The following ART3 variants were observed in gnomAD, a reference collection of about 807,000 sequenced individuals.
ART3 encodes the protein ecto-ADP-ribosyltransferase 3.
In ART3, 49 loss-of-function variants were observed where a neutral mutation model predicts 48.5. That is an observed-to-expected ratio of 1.01 (90% CI 0.80 to 1.28). ART3 has a LOEUF of 1.28. Among genes scored for constraint, ART3 ranks in the 50% most tolerant of loss-of-function variants. The pLI is 0.00. For synonymous variants in ART3, 145 were observed against 157.2 expected (o/e 0.92, Z 0.58); for missense variants, 438 against 454.3 (o/e 0.96, Z 0.33).
chr4:76,075,914 G>A lies in ART3; in HGVS notation c.25G>A (p.Val9Ile). 4 of 1,612,708 alleles carry A rather than the reference G, an allele frequency of 2.5e-6. No homozygotes were observed. The highest frequency in any genetic ancestry group is 3.4e-6 in the Non-Finnish European group (4 of 1,179,334). MKTGHFEI[V>I]TMLLATMILV... is the part of the protein sequence containing the mutation. ...AATGAAGACGGGACATTTTGAAATAGTCACCATGCTGCTGGCAACCATGAT... is the reference window on the plus strand; with the variant it reads ...AATGAAGACGGGACATTTTGAAATAATCACCATGCTGCTGGCAACCATGAT... The change falls in exon 2 of 12, where the codon GTC becomes ATC. Residue 9 changes from valine to isoleucine, a missense_variant. Coordinates refer to ENST00000355810, the MANE Select transcript of ART3 (RefSeq NM_001130016.3).
At chr4:76,063,688 G>T (rs937095037) in intron 1 of ART3, among the ~76,000 whole-genome samples, 1 of 152,074 alleles carries the variant, frequency 6.6e-6, no homozygotes, top group Non-Finnish European at 1.5e-5. Flanking sequence ...CAGAGACTCG[G>T]AGAACATAAA....
chr4:76,079,606 A>G (rs1721983023), intron 2 of ART3, among the ~76,000 whole-genome samples: 1 of 152,196 alleles, frequency 6.6e-6, no homozygotes, highest in Non-Finnish European at 1.5e-5. Flanking sequence ...GAACTCCAAC[A>G]TTTAATGGCT....
At chr4:76,089,561 C>T (rs949821996) in intron 3 of ART3, among the ~76,000 whole-genome samples, 11 of 152,260 alleles carry the variant, frequency 7.2e-5, no homozygotes, top group East Asian at 1.9e-4. Flanking sequence ...TCCCCTGCCA[C>T]GCTTCCTGTA....
chr4:76,028,380 G>A (rs906114384), intron 1 of ART3, among the ~76,000 whole-genome samples: 3 of 152,124 alleles, frequency 2.0e-5, no homozygotes, highest in Non-Finnish European at 2.9e-5. Flanking sequence ...GAAAGTTAAG[G>A]AAGTATCCCG....
chr4:76,087,848 A>G (rs1247323831), intron 3 of ART3, among the ~76,000 whole-genome samples: 2 of 152,222 alleles, frequency 1.3e-5, no homozygotes, highest in Non-Finnish European at 2.9e-5. Flanking sequence ...AGCCCAGGTT[A>G]ACTAACTTTT....
chr4:76,111,429 A>G (rs1729455161), intron 11 of ART3, among the ~76,000 whole-genome samples: 1 of 152,224 alleles, frequency 6.6e-6, no homozygotes, highest in African/African-American at 2.4e-5. Flanking sequence ...AATTCATCTT[A>G]TAAACAGATG....
intron 1 of ART3, among the ~76,000 whole-genome samples, chr4:76,017,441 G>A (rs961330755): frequency 2.0e-5 from 3 of 151,844 alleles, no homozygotes; most frequent in South Asian, 2.1e-4. Context: ...GGCTGAACTC[G>A]TATCCAAGTT....
intron 1 of ART3, among the ~76,000 whole-genome samples, chr4:76,018,632 A>C (rs1732481486): frequency 6.6e-6 from 1 of 152,254 alleles, no homozygotes; most frequent in African/African-American, 2.4e-5. Context: ...TTAAATACAA[A>C]GTAATATGCC....
intron 1 of ART3, among the ~76,000 whole-genome samples, chr4:76,059,794 A>G (rs1042336123): frequency 1.3e-5 from 2 of 151,950 alleles, no homozygotes; most frequent in African/African-American, 4.8e-5. Flanking sequence ...GGCAAACTTT[A>G]TAAACACAAG....
rs1206713213 is a variant in ART3 at position 76,024,528 on chromosome 4, A to G, written c.-10+13208A>G. ...AGCATTCAATAGTACTTGACTGATT[A>G]TTCATAGTAGCTAGCAGTAGAAAGC... On this transcript the variant is annotated intron_variant, in intron 1 of 9. Coordinates refer to the ART3 transcript ENST00000341029. Among the ~76,000 whole-genome samples, 3 of 152,230 alleles carry G rather than the reference A, an allele frequency of 2.0e-5. No homozygotes were observed. In the East Asian group the frequency reaches 5.8e-4, roughly 29 times the overall value.
At chr4:76,049,542 TAGAG>T (rs989510443) in intron 1 of ART3, among the ~76,000 whole-genome samples, 4 of 151,926 alleles carry the variant, frequency 2.6e-5, no homozygotes, top group Non-Finnish European at 5.9e-5. Flanking sequence ...CAGGGGTTGT[TAGAG>T]AGCCCTTTCC....
At chr4:76,049,514 G>A (rs1735828822) in intron 1 of ART3, among the ~76,000 whole-genome samples, 1 of 151,918 alleles carries the variant, frequency 6.6e-6, no homozygotes, top group African/African-American at 2.4e-5. Flanking sequence ...CAAACCAACG[G>A]TCCCAACTCC....
chr4:76,036,099 T>C, intron 1 of ART3: 1 of 914,214 alleles, frequency 1.1e-6, no homozygotes, highest in Non-Finnish European at 1.7e-6. Context: ...TTGGCATATA[T>C]AGAGCATTTT....
chr4:76,064,126 C>A (rs889088299), intron 1 of ART3, among the ~76,000 whole-genome samples: 1 of 152,066 alleles, frequency 6.6e-6, no homozygotes, highest in Non-Finnish European at 1.5e-5. Flanking sequence ...AGTTGTTGGC[C>A]TGGAGAGCAG....
intron 1 of ART3, chr4:76,023,456 G>A: frequency 6.2e-7 from 1 of 1,606,400 alleles, no homozygotes; most frequent in Non-Finnish European, 8.5e-7. Flanking sequence ...AGGTTCCTCT[G>A]CTGTAGGCTC....
intron 11 of ART3, among the ~76,000 whole-genome samples, chr4:76,109,668 G>A (rs1172296575): frequency 1.3e-5 from 2 of 152,062 alleles, no homozygotes; most frequent in African/African-American, 4.8e-5. Flanking sequence ...ATGTTACAAC[G>A]GCAACGATGT....
At chr4:76,090,965 T>C (rs1318326311) in intron 3 of ART3, among the ~76,000 whole-genome samples, 2 of 152,228 alleles carry the variant, frequency 1.3e-5, no homozygotes, top group African/African-American at 4.8e-5. Flanking sequence ...CACTACAGAT[T>C]AGTTGGCACT....
chr4:76,087,250 C>T lies in ART3; in HGVS notation c.781+4715C>T, dbSNP rs565982169. ...TTCTGAAAATGCCAGAGTTCAGACC[C>T]GCGTGGAGAAGTGCGGGTCATTGTG... On this transcript the variant is annotated intron_variant, in intron 3 of 11. Coordinates refer to ENST00000355810, the MANE Select transcript of ART3 (RefSeq NM_001130016.3). Among the ~76,000 whole-genome samples the T allele has an allele frequency of 3.0e-4, 46 of 152,210 alleles. No individual in the cohort carries two copies. In the South Asian group the frequency reaches 4.4e-3, roughly 14 times the overall value.
chr4:76,079,138 C>T (rs987731539), intron 2 of ART3, among the ~76,000 whole-genome samples: 1 of 140,302 alleles, frequency 7.1e-6, no homozygotes, highest in East Asian at 2.1e-4. Flanking sequence ...AATTCCAATT[C>T]CATGTAAGTC....
Sources: gnomAD v4.1 joint callset for allele counts (sites outside exome capture counted in the v4.1 genomes callset) on GRCh38, gnomAD v4.1.1 for gene constraint, MANE v1.5 for transcripts, NCBI Gene and HGNC (gene_info 2026-07-23, HGNC 2026-07-21) for gene names.